STON2: variants seen among roughly 807,000 people sequenced by gnomAD.
STON2 encodes the protein stonin-2.
In STON2, 29 loss-of-function variants were observed where a neutral mutation model predicts 65.7. The observed-to-expected ratio is 0.44, with a 90% confidence interval of 0.33 to 0.60. The LOEUF (loss-of-function observed/expected upper bound fraction) is 0.60. Among genes scored for constraint, STON2 ranks in the 20% least tolerant of loss-of-function variants. STON2 has a pLI of 0.03. For synonymous variants in STON2, 404 were observed against 414.2 expected (o/e 0.98, Z 0.30); for missense variants, 1,054 against 1,118.1 (o/e 0.94, Z 0.82).
intron 3 of STON2, among the ~76,000 whole-genome samples, chr14:81,384,068 CA>C (rs1167347998): frequency 6.6e-6 from 1 of 152,056 alleles, no homozygotes; most frequent in Non-Finnish European, 1.5e-5. Flanking sequence ...CTACTTTCTG[CA>C]AGGCTTGCTG....
At position 81,265,335 on chromosome 14, in the gene STON2, T is replaced by C; in HGVS notation, c.*3079A>G. On this transcript the variant is annotated 3_prime_UTR_variant, in exon 8 of 8. Transcript: ENST00000614646. ...AGAGGGAAAACAAATTTGATGAAAT[T>C]AAGATGTTAGGTTTTTAAAAATTAA... is the stretch of plus-strand genomic sequence containing the variant. The C allele has an allele frequency of 1.0e-6, 1 of 984,488 alleles. No individual in the cohort carries two copies. The highest frequency in any genetic ancestry group is 1.2e-6 in the Non-Finnish European group (1 of 829,178). The allele number at this position is 984,488 out of a possible 1,614,324, so 61.0% of individuals were successfully genotyped here.
At chr14:81,333,312 C>T (rs1897271317) in intron 4 of STON2, 1 of 640,184 alleles carries the variant, frequency 1.6e-6, no homozygotes, top group Non-Finnish European at 2.9e-6. Context: ...CCTCTGAAGT[C>T]GTTGGTTGGT....
chr14:81,285,535 G>A (rs1039477042), intron 5 of STON2, among the ~76,000 whole-genome samples: 1 of 152,132 alleles, frequency 6.6e-6, no homozygotes, highest in Non-Finnish European at 1.5e-5. Flanking sequence ...CTATCCTTCC[G>A]CCTTTGCCTA....
At chr14:81,330,285 G>C (rs1052969863) in intron 4 of STON2, among the ~76,000 whole-genome samples, 9 of 152,154 alleles carry the variant, frequency 5.9e-5, no homozygotes, top group Admixed American at 5.9e-4. Flanking sequence ...TTACAAAGCC[G>C]TATCTGGATA....
At chr14:81,418,495 G>A (rs1648423975) in intron 2 of STON2, among the ~76,000 whole-genome samples, 2 of 152,164 alleles carry the variant, frequency 1.3e-5, no homozygotes, top group Admixed American at 1.3e-4. Context: ...TTGATTGCAA[G>A]GAGTTAATAA....
At chr14:81,381,526 T>C (rs1348847853) in intron 3 of STON2, among the ~76,000 whole-genome samples, 1 of 134,682 alleles carries the variant, frequency 7.4e-6, no homozygotes, top group African/African-American at 3.0e-5. Context: ...GAAAGAAAAA[T>C]CCAAATGGCA....
rs571177533 is a variant in STON2, at chr14:81,285,641, T to C, written c.743-6902A>G. ...ATCTTATGGATGAGAAAATAAAGTATTTTCTTGAGATAGAATCTACTCCTG... is the reference window on the plus strand; with the variant it reads ...ATCTTATGGATGAGAAAATAAAGTACTTTCTTGAGATAGAATCTACTCCTG... On this transcript the variant is annotated intron_variant, in intron 5 of 7. Transcript: ENST00000614646. 7.9e-5 allele frequency among the ~76,000 whole-genome samples: 12 copies of C among 152,214 alleles called. No homozygotes were observed. In the East Asian group the frequency reaches 1.9e-3, roughly 25 times the overall value.
In STON2 at chr14:81,341,469, T is replaced by TTTC. The variant is rs149759275; in HGVS notation, c.572-17283_572-17282insGAA. 3.9e-4 allele frequency among the ~76,000 whole-genome samples: 58 copies of TTTC among 148,230 alleles called. 1 individual carries two copies. Among genetic ancestry groups the TTTC allele is most frequent in the African/African-American group, 1.4e-3 (54 of 38,472 alleles). Reference sequence around the variant, plus strand: ...GTGTTTTTTTTTTGTTTTTTTTTTTTCCCAAAAGTCTGGCCCTGAATCCTA... The same window carrying TTTC: ...GTGTTTTTTTTTTGTTTTTTTTTTTTTTCCCCAAAAGTCTGGCCCTGAATCCTA... On this transcript the variant is annotated intron_variant, in intron 4 of 7. Coordinates refer to ENST00000614646, the MANE Select transcript of STON2 (RefSeq NM_001394390.1).
chr14:81,308,315 T>C (rs919742859), intron 5 of STON2, among the ~76,000 whole-genome samples: 45 of 152,138 alleles, frequency 3.0e-4, no homozygotes, highest in African/African-American at 1.1e-3. Flanking sequence ...GCAATTCTCA[T>C]GCCTCAGCCT....
In STON2 at chr14:81,265,827, G is replaced by A. The variant is rs962836162; in HGVS notation, c.*2587C>T. 3.0e-6 allele frequency: 3 copies of A among 985,228 alleles called. No homozygotes were observed. Among genetic ancestry groups the A allele is most frequent in the Middle Eastern group, 5.2e-4 (1 of 1,914 alleles). 61.0% of individuals were successfully genotyped at this position (985,228 alleles called of 1,614,324 possible). Reference sequence around the variant, plus strand: ...TTTACCATGGGGGGCGGGGAAATAAGCTCCAACAAGCAATCCACATGTTAT... The same window carrying A: ...TTTACCATGGGGGGCGGGGAAATAAACTCCAACAAGCAATCCACATGTTAT... On this transcript the variant is annotated 3_prime_UTR_variant, in exon 8 of 8. Transcript: ENST00000614646.
At position 81,266,993 on chromosome 14, in the gene STON2, T is replaced by C; in HGVS notation, c.*1421A>G. ...AACTATTTCTATATCCCAGTGTCAA[T>C]ACACATTTAGACTCCAATGATTGTT... On this transcript the variant is annotated 3_prime_UTR_variant, in exon 8 of 8. Transcript: ENST00000614646. 1.0e-6 allele frequency: 1 copy of C among 985,388 alleles called. No homozygotes were observed. The highest frequency in any genetic ancestry group is 1.2e-6 in the Non-Finnish European group (1 of 829,864). 61.0% of individuals were successfully genotyped at this position (985,388 alleles called of 1,614,324 possible).
intron 5 of STON2, among the ~76,000 whole-genome samples, chr14:81,322,409 A>G (rs1161475538): frequency 6.6e-6 from 1 of 152,118 alleles, no homozygotes; most frequent in Non-Finnish European, 1.5e-5. Context: ...AGGCAAAATC[A>G]TCATCATGGT....
intron 5 of STON2, among the ~76,000 whole-genome samples, chr14:81,310,708 A>G (rs939726433): frequency 6.6e-6 from 1 of 152,164 alleles, no homozygotes; most frequent in Non-Finnish European, 1.5e-5. Context: ...ACGCTGCTGC[A>G]TTGCACTGAC....
chr14:81,408,141 A>G (rs1900960568), intron 2 of STON2, among the ~76,000 whole-genome samples: 2 of 139,448 alleles, frequency 1.4e-5, no homozygotes, highest in Non-Finnish European at 3.0e-5. Flanking sequence ...TGAAGAACAC[A>G]CACACACACA....
At chr14:81,337,327 C>T (rs28615789) in intron 4 of STON2, among the ~76,000 whole-genome samples, 4,858 of 152,256 alleles carry the variant, frequency 0.032, 210 homozygotes, top group African/African-American at 0.091. Flanking sequence ...GTAAATTCAC[C>T]TGTTAGCAGA....
chr14:81,380,352 A>C (rs1899455852), intron 3 of STON2, among the ~76,000 whole-genome samples: 1 of 152,222 alleles, frequency 6.6e-6, no homozygotes, highest in African/African-American at 2.4e-5. Flanking sequence ...GATGCTGTTG[A>C]GGTTGCAGAG....
chr14:81,327,031 G>A (rs566664358), intron 4 of STON2, among the ~76,000 whole-genome samples: 17 of 152,238 alleles, frequency 1.1e-4, no homozygotes, highest in Middle Eastern at 3.4e-3. Flanking sequence ...GGTGGCACGC[G>A]CCTGTAATCC....
intron 1 of STON2, among the ~76,000 whole-genome samples, chr14:81,432,276 C>A (rs1216203808): frequency 2.0e-5 from 3 of 152,166 alleles, no homozygotes; most frequent in Admixed American, 1.3e-4. Flanking sequence ...TTCTGGCATG[C>A]CCTGTTGTTA....
In STON2 at chr14:81,365,096, G is replaced by A. The variant is rs143760509; in HGVS notation, c.571+5892C>T. On this transcript the variant is annotated intron_variant, in intron 4 of 7. Transcript: ENST00000614646. ...GTTGAATAAAGGTTGCCAGATGGAG[G>A]TTGCTAGCAAAATGGTGCTAACTGA... 5.2e-3 allele frequency among the ~76,000 whole-genome samples: 793 copies of A among 152,290 alleles called. 4 individuals carry two copies. The highest frequency in any genetic ancestry group is 0.018 in the African/African-American group (754 of 41,554).
Sources: allele counts gnomAD v4.1 joint callset (sites outside exome capture counted in the v4.1 genomes callset), GRCh38; gene constraint gnomAD v4.1.1; transcripts MANE v1.5; gene names NCBI Gene and HGNC (gene_info 2026-07-23, HGNC 2026-07-21).